Variants in SEC24B observed in about 807,000 individuals in gnomAD.
The protein encoded by SEC24B is SEC24 homolog B, COPII component.
Under a neutral mutation model 142.8 loss-of-function variants are expected in SEC24B, and 45 were observed. That is an observed-to-expected ratio of 0.32 (90% CI 0.25 to 0.40). SEC24B has a LOEUF of 0.40. Ranked by LOEUF, SEC24B falls within the 10% of genes least tolerant of loss-of-function variation. The probability of loss-of-function intolerance (pLI) is 1.00; values close to 1 mark genes in which losing one functional copy is unlikely to be tolerated. For missense variants in SEC24B, 1,409 were observed against 1,526.8 expected, an observed-to-expected ratio of 0.92 and a Z score of 1.29; for synonymous variants, 574 against 568.2, an observed-to-expected ratio of 1.01 and a Z score of -0.15.
chr4:109,515,739 T>C (rs1248871311), intron 10 of SEC24B, among the ~76,000 whole-genome samples: 1 of 152,118 alleles, frequency 6.6e-6, no homozygotes, highest in Non-Finnish European at 1.5e-5. Context: ...ATAAGGACTT[T>C]TCAAAGAATG....
chr4:109,504,342 A>G (rs1380913402), intron 6 of SEC24B, among the ~76,000 whole-genome samples: 2 of 152,158 alleles, frequency 1.3e-5, no homozygotes, highest in Non-Finnish European at 2.9e-5. Context: ...TAAAACCCAA[A>G]TAATAGTTTA....
chr4:109,527,492 G>A, intron 18 of SEC24B, 60 bp downstream of exon 18: 1 of 1,297,518 alleles, frequency 7.7e-7, no homozygotes, highest in African/African-American at 1.5e-5. Context: ...ACTGAAGCTT[G>A]GCTGGTGGCA....
chr4:109,501,035 G>A (rs1736077394), intron 6 of SEC24B, among the ~76,000 whole-genome samples: 1 of 152,156 alleles, frequency 6.6e-6, no homozygotes, highest in African/African-American at 2.4e-5. Flanking sequence ...AGTGTCCTGG[G>A]CTTTCACCTT....
chr4:109,466,052 CA>C (rs370744393), intron 2 of SEC24B, among the ~76,000 whole-genome samples: 15 of 149,310 alleles, frequency 1.0e-4, no homozygotes, highest in African/African-American at 2.7e-4. Flanking sequence ...TGCTTCATTT[CA>C]AAAAAAAAGA....
intron 1 of SEC24B, among the ~76,000 whole-genome samples, chr4:109,452,107 C>G (rs917971455): frequency 6.6e-6 from 1 of 151,880 alleles, no homozygotes; most frequent in African/African-American, 2.4e-5. Context: ...TAGTCAGTAC[C>G]TCTCACCAGC....
intron 2 of SEC24B, among the ~76,000 whole-genome samples, chr4:109,465,273 A>G (rs1013589509): frequency 6.6e-6 from 1 of 152,234 alleles, no homozygotes; most frequent in Non-Finnish European, 1.5e-5. Context: ...GTCTACCAGA[A>G]TCACTGGCAC....
At chr4:109,485,584 A>G (rs1561121667) in intron 4 of SEC24B, among the ~76,000 whole-genome samples, 1 of 152,214 alleles carries the variant, frequency 6.6e-6, no homozygotes, top group Non-Finnish European at 1.5e-5. Flanking sequence ...GTTCTCTATT[A>G]ATGGTTTTTT....
At chr4:109,456,342 T>TTTG (rs1553995215) in intron 1 of SEC24B, among the ~76,000 whole-genome samples, 2 of 149,660 alleles carry the variant, frequency 1.3e-5, no homozygotes, top group African/African-American at 4.9e-5. Context: ...TTGTTTTTTT[T>TTTG]TTTTTTTTTT....
rs1419184595 is a variant in SEC24B, at chr4:109,521,502, A to G, written c.2384A>G (p.Gln795Arg). Reference protein sequence around the residue: ...ETHSALGPALQAAFKLMSPTG... With the variant: ...ETHSALGPALRAAFKLMSPTG... ...CACAGTGCCCTTGGTCCTGCACTTCAGGCTGCCTTTAAATTAATGTCTCCA... is the reference window on the plus strand; with the variant it reads ...CACAGTGCCCTTGGTCCTGCACTTCGGGCTGCCTTTAAATTAATGTCTCCA... Residue 795 changes from glutamine (Q) to arginine (R), a missense_variant, in exon 14 of 24, where the codon CAG (glutamine) becomes CGG (arginine). Physicochemically the swap from Gln to Arg is conservative, Grantham distance 43. Transcript: ENST00000265175. 1 of 1,614,128 alleles carries G rather than the reference A, an allele frequency of 6.2e-7. No individual in the cohort carries two copies. The highest frequency in any genetic ancestry group is 8.5e-7 in the Non-Finnish European group (1 of 1,179,982).
At chr4:109,434,861 G>T (rs781454550) in intron 1 of SEC24B, among the ~76,000 whole-genome samples, 2 of 152,190 alleles carry the variant, frequency 1.3e-5, no homozygotes, top group Non-Finnish European at 2.9e-5. Flanking sequence ...TATTAAGGTC[G>T]TGGGCTTTTA....
chr4:109,488,015 T>G (rs1734562987), intron 4 of SEC24B, among the ~76,000 whole-genome samples: 1 of 152,176 alleles, frequency 6.6e-6, no homozygotes, highest in East Asian at 1.9e-4. Flanking sequence ...CTTTTATCTT[T>G]GGACTTTATT....
chr4:109,437,184 C>G (rs2125886911), intron 1 of SEC24B, among the ~76,000 whole-genome samples: 1 of 152,212 alleles, frequency 6.6e-6, no homozygotes, highest in African/African-American at 2.4e-5. Flanking sequence ...TGGAGGACCC[C>G]CAGTTGGTGT....
At chr4:109,510,871 C>CA (rs1331334265) in intron 8 of SEC24B, among the ~76,000 whole-genome samples, 1 of 151,744 alleles carries the variant, frequency 6.6e-6, no homozygotes, top group Non-Finnish European at 1.5e-5. Flanking sequence ...GTCATTCATC[C>CA]AAAAAATATT....
In SEC24B at chr4:109,530,381, G is replaced by T; in HGVS notation, c.3169G>T (p.Val1057Phe). The T allele has an allele frequency of 6.2e-7, 1 of 1,614,122 alleles. No individual in the cohort carries two copies. The highest frequency in any genetic ancestry group is 8.5e-7 in the Non-Finnish European group (1 of 1,180,014). Residue 1057 changes from valine to phenylalanine, a missense_variant, in exon 19 of 24, where the codon GTC becomes TTC. Physicochemically the swap from Val to Phe is conservative, Grantham distance 50. This residue lies in a region of SEC24B where 700 missense variants were observed against 853.3 expected (regional missense o/e 0.82). Transcript: ENST00000265175. ...VDSLSAYGSTVSNLQHSALMA... is the reference protein window; with the variant it reads ...VDSLSAYGSTFSNLQHSALMA... ...CTCATTGTCTGCATATGGCTCAACTGTCTCAAATTTACAGCACTCTGCATT... is the reference window on the plus strand; with the variant it reads ...CTCATTGTCTGCATATGGCTCAACTTTCTCAAATTTACAGCACTCTGCATT...
intron 4 of SEC24B, chr4:109,488,718 A>G (rs1257700870): frequency 1.2e-5 from 2 of 166,830 alleles, no homozygotes; most frequent in East Asian, 1.9e-4. Flanking sequence ...CGAGGATTCT[A>G]ATTTCTCCAC....
At position 109,511,957 on chromosome 4, in the gene SEC24B, C is replaced by G. The variant is rs922547137; in HGVS notation, c.1777C>G (p.Gln593Glu). Residue 593 changes from glutamine (Q) to glutamate (E), a missense_variant and splice_region_variant, in exon 9 of 24, where the codon CAA (glutamine) becomes GAA (glutamate). Coordinates refer to ENST00000265175, the MANE Select transcript of SEC24B (RefSeq NM_006323.5). ...ACAGCTTCTTTATTTTATTTCCTAG[C>G]AATTACCAGTGATAACATCAAATAC... ...LLLHPFRDLT[Q>E]LPVITSNTIV... is the part of the protein sequence containing the mutation. 1.2e-6 allele frequency: 2 copies of G among 1,611,670 alleles called. No homozygotes were observed. Among genetic ancestry groups the G allele is most frequent in the African/African-American group, 2.7e-5 (2 of 74,858 alleles).
intron 3 of SEC24B, among the ~76,000 whole-genome samples, chr4:109,480,595 C>T (rs1172595577): frequency 6.6e-6 from 1 of 152,160 alleles, no homozygotes; most frequent in Non-Finnish European, 1.5e-5. Flanking sequence ...ATTCTCCTGC[C>T]CCAGCCTCCC....
At chr4:109,484,226 G>A (rs1451391496) in intron 4 of SEC24B, among the ~76,000 whole-genome samples, 1 of 152,168 alleles carries the variant, frequency 6.6e-6, no homozygotes, top group Non-Finnish European at 1.5e-5. Flanking sequence ...TTTTCAAAGA[G>A]TACAGACCAG....
intron 12 of SEC24B, 53 bp downstream of exon 12, chr4:109,520,537 G>A (rs1473100766): frequency 3.9e-6 from 4 of 1,025,286 alleles, no homozygotes; most frequent in Admixed American, 3.7e-5. Context: ...TGAAATGGGG[G>A]CTACTTTATT....
Sources: allele counts gnomAD v4.1 joint callset (sites outside exome capture counted in the v4.1 genomes callset), GRCh38; gene constraint gnomAD v4.1.1; regional missense constraint gnomAD v4.1.1; transcripts MANE v1.5; gene names NCBI Gene and HGNC (gene_info 2026-07-23, HGNC 2026-07-21).